ASCC1: variants seen among roughly 807,000 people sequenced by gnomAD.
ASCC1 encodes the protein ASC-1 complex subunit P50.
ASCC1 carries 35 observed loss-of-function variants against 46.6 expected under a neutral mutation model. The ratio of observed to expected loss-of-function variants is 0.75; its 90% confidence interval spans 0.57 to 0.99. The LOEUF (loss-of-function observed/expected upper bound fraction) is 0.99, where lower values mean the gene tolerates loss of function less well. ASCC1 is among the 50% of genes least tolerant of loss of function. ASCC1 has a pLI of 0.00. For synonymous variants in ASCC1, 143 were observed against 146.6 expected, an observed-to-expected ratio of 0.98 and a Z score of 0.18; for missense variants, 376 against 428.7, an observed-to-expected ratio of 0.88 and a Z score of 1.09.
intron 9 of ASCC1, among the ~76,000 whole-genome samples, chr10:72,110,338 T>C (rs557524640): frequency 6.6e-6 from 1 of 152,250 alleles, no homozygotes; most frequent in Non-Finnish European, 1.5e-5. Context: ...AACAGGGACA[T>C]TTCTTCCTGG....
At chr10:72,195,835 A>G (rs1031629622) in intron 5 of ASCC1, among the ~76,000 whole-genome samples, 5 of 144,800 alleles carry the variant, frequency 3.5e-5, no homozygotes, top group Non-Finnish European at 6.1e-5. Flanking sequence ...ACGCTGTCTC[A>G]AAAAAAAAAA....
chr10:72,130,945 T>C (rs1319491417), intron 8 of ASCC1, among the ~76,000 whole-genome samples: 11 of 152,220 alleles, frequency 7.2e-5, no homozygotes, highest in Non-Finnish European at 1.3e-4. Context: ...TACATAATAA[T>C]GTTAAAATGT....
At chr10:72,121,639 GTTA>G (rs1392591851) in intron 9 of ASCC1, among the ~76,000 whole-genome samples, 3 of 152,126 alleles carry the variant, frequency 2.0e-5, no homozygotes, top group Non-Finnish European at 4.4e-5. Context: ...AGCAAGGAAA[GTTA>G]TTATGAATAA....
chr10:72,201,613 G>T (rs1856511212), intron 4 of ASCC1, among the ~76,000 whole-genome samples: 1 of 152,040 alleles, frequency 6.6e-6, no homozygotes, highest in African/African-American at 2.4e-5. Flanking sequence ...TTGAGCCCAG[G>T]AGTTCAAGGC....
intron 6 of ASCC1, among the ~76,000 whole-genome samples, chr10:72,155,912 G>C (rs1848901440): frequency 6.6e-6 from 1 of 152,152 alleles, no homozygotes; most frequent in Non-Finnish European, 1.5e-5. Flanking sequence ...ATACAAAATG[G>C]GTGTTCAATA....
At chr10:72,107,712 C>G (rs1356202113) in intron 9 of ASCC1, among the ~76,000 whole-genome samples, 2 of 152,152 alleles carry the variant, frequency 1.3e-5, no homozygotes, top group African/African-American at 4.8e-5. Flanking sequence ...GTTTCTTGGG[C>G]AGACTAGACG....
chr10:72,098,570 C>A (rs1841366751), intron 9 of ASCC1, among the ~76,000 whole-genome samples: 1 of 152,236 alleles, frequency 6.6e-6, no homozygotes, highest in Non-Finnish European at 1.5e-5. Context: ...CCTGAGGGGA[C>A]CTTTGCACAT....
chr10:72,174,352 A>C (rs1373652794), intron 5 of ASCC1, among the ~76,000 whole-genome samples: 2 of 151,766 alleles, frequency 1.3e-5, no homozygotes, highest in Non-Finnish European at 2.9e-5. Flanking sequence ...AAGACATAAT[A>C]AAATCTACAC....
At chr10:72,209,117 A>C (rs956877128) in intron 3 of ASCC1, among the ~76,000 whole-genome samples, 1 of 151,808 alleles carries the variant, frequency 6.6e-6, no homozygotes, top group African/African-American at 2.4e-5. Flanking sequence ...GTGAGCCGAG[A>C]TCGCACCACT....
intron 4 of ASCC1, among the ~76,000 whole-genome samples, chr10:72,197,862 C>T (rs984290681): frequency 2.7e-5 from 4 of 146,896 alleles, no homozygotes; most frequent in Non-Finnish European, 4.5e-5. Context: ...ACTGAGATCA[C>T]GCCACTGCAC....
intron 4 of ASCC1, chr10:72,198,473 A>T: frequency 2.2e-6 from 1 of 447,260 alleles, no homozygotes. Flanking sequence ...CTCTGGGGCA[A>T]AGGCCAAGGC....
intron 5 of ASCC1, among the ~76,000 whole-genome samples, chr10:72,165,516 C>T (rs1850230004): frequency 6.6e-6 from 1 of 152,212 alleles, no homozygotes; most frequent in Non-Finnish European, 1.5e-5. Context: ...ATAAAATGCT[C>T]CAAAGGCAGA....
chr10:72,214,073 C>G (rs770811995), intron 1 of ASCC1, among the ~76,000 whole-genome samples: 48 of 151,000 alleles, frequency 3.2e-4, no homozygotes, highest in Non-Finnish European at 6.2e-4. Context: ...GAGAAAAGGG[C>G]CAGGCATGGT....
intron 5 of ASCC1, among the ~76,000 whole-genome samples, chr10:72,172,861 TTATA>T (rs1218390198): frequency 4.8e-5 from 6 of 125,004 alleles, no homozygotes; most frequent in African/African-American, 8.7e-5. Flanking sequence ...TATTTTTATA[TTATA>T]TATATTATAT....
intron 3 of ASCC1, among the ~76,000 whole-genome samples, 173 bp from the exon 4 acceptor site, chr10:72,203,697 G>A (rs139749728): frequency 1.4e-3 from 216 of 152,324 alleles, no homozygotes; most frequent in African/African-American, 4.9e-3. Flanking sequence ...ACATGCTGCA[G>A]TAAAGTCATT....
At chr10:72,163,089 C>G (rs1320387788) in intron 5 of ASCC1, among the ~76,000 whole-genome samples, 1 of 152,070 alleles carries the variant, frequency 6.6e-6, no homozygotes, top group African/African-American at 2.4e-5. Context: ...CCATTTCACA[C>G]CCACTAAAAA....
At chr10:72,124,722 TC>T (rs1390794704) in intron 9 of ASCC1, among the ~76,000 whole-genome samples, 2 of 134,740 alleles carry the variant, frequency 1.5e-5, no homozygotes, top group African/African-American at 6.4e-5. Context: ...ACAAACAACA[TC>T]TTTTTTTTTT....
intron 9 of ASCC1, chr10:72,102,479 G>A (rs1480263696): frequency 7.8e-7 from 1 of 1,280,662 alleles, no homozygotes; most frequent in East Asian, 2.5e-5. Flanking sequence ...CTTTTATTGA[G>A]TTGTAGTTCT....
chr10:72,172,547 T>C (rs985797927), intron 5 of ASCC1, among the ~76,000 whole-genome samples: 6 of 148,852 alleles, frequency 4.0e-5, no homozygotes, highest in Non-Finnish European at 1.5e-5. Context: ...GGTTGCGCTA[T>C]GTTGACAAGG....
Sources: gnomAD v4.1 joint callset for allele counts (sites outside exome capture counted in the v4.1 genomes callset) on GRCh38, gnomAD v4.1.1 for gene constraint, MANE v1.5 for transcripts, NCBI Gene and HGNC (gene_info 2026-07-23, HGNC 2026-07-21) for gene names.